ACSBG2: variants seen among roughly 807,000 people sequenced by gnomAD.
ACSBG2 encodes the protein acyl-CoA synthetase bubblegum family member 2, also known as long-chain-fatty-acid--CoA ligase ACSBG2.
Under a neutral mutation model 74.7 loss-of-function variants are expected in ACSBG2, and 62 were observed. The ratio of observed to expected loss-of-function variants is 0.83; its 90% confidence interval spans 0.68 to 1.03. The LOEUF is 1.03. Among genes scored for constraint, ACSBG2 ranks in the 50% least tolerant of loss-of-function variants. ACSBG2 has a pLI of 0.00. For missense variants in ACSBG2, 730 were observed against 817.6 expected, an observed-to-expected ratio of 0.89 and a Z score of 1.31; for synonymous variants, 309 against 294.1, an observed-to-expected ratio of 1.05 and a Z score of -0.52.
At position 6,183,190 on chromosome 19, in the gene ACSBG2, A is replaced by G. The variant is rs752028035; in HGVS notation, c.1240A>G (p.Ile414Val). Residue 414 changes from isoleucine to valine, a missense_variant, in exon 10 of 15, where the codon ATA becomes GTA. By Grantham distance (29) the Ile-to-Val change is conservative. Coordinates refer to ENST00000588485, the MANE Select transcript of ACSBG2 (RefSeq NM_030924.5). ...TGCCGAGTTCTTTCTAAGCTTGGAC[A>G]TACCTATAGGCGAGTTGTATGGGTT... ...ETAEFFLSLD[I>V]PIGELYGLSE... is the part of the protein sequence containing the mutation. 3 of 1,614,080 alleles carry G rather than the reference A, an allele frequency of 1.9e-6. No homozygotes were observed. The highest frequency in any genetic ancestry group is 1.3e-5 in the African/African-American group (1 of 74,928).
At chr19:6,179,669 T>C (rs1486873859) in intron 8 of ACSBG2, among the ~76,000 whole-genome samples, 2 of 152,096 alleles carry the variant, frequency 1.3e-5, no homozygotes, top group African/African-American at 4.8e-5. Flanking sequence ...TGGAGTGCAG[T>C]GGCAGTGGCA....
intron 14 of ACSBG2, chr19:6,191,988 G>A (rs935720802): frequency 1.3e-5 from 2 of 148,738 alleles, no homozygotes; most frequent in Admixed American, 1.3e-4. Context: ...GTCCAATATG[G>A]CAGCCACTGG....
At chr19:6,173,443 G>T (rs2090013974) in intron 7 of ACSBG2, among the ~76,000 whole-genome samples, 1 of 152,142 alleles carries the variant, frequency 6.6e-6, no homozygotes, top group Non-Finnish European at 1.5e-5. Flanking sequence ...AGCACCGATG[G>T]TGTTGGCCTG....
At chr19:6,170,614 ATGATTTTGATTT>A (rs1381658044) in intron 7 of ACSBG2, among the ~76,000 whole-genome samples, 1 of 152,078 alleles carries the variant, frequency 6.6e-6, no homozygotes, top group Non-Finnish European at 1.5e-5. Flanking sequence ...GATGCTTGGT[ATGATTTTGATTT>A]TTTTAAATTT....
Position 6,161,487 on chromosome 19 carries a change from G to A in ACSBG2, c.588+192G>A, listed in dbSNP as rs573638546. On this transcript the variant is annotated intron_variant, in intron 6 of 14. Coordinates refer to ENST00000588485, the MANE Select transcript of ACSBG2 (RefSeq NM_030924.5). The stretch of plus-strand genomic sequence containing the variant: ...AAGGAAGTGGGTGGGGCCTTGTGAG[G>A]AAAGTGGGTGTGACCTTTCAAAGGA... The A allele has an allele frequency of 1.2e-4, 63 of 534,402 alleles. 1 individual carries two copies. Among genetic ancestry groups the A allele is most frequent in the Admixed American group, 4.7e-4 (15 of 31,966 alleles). 33.1% of individuals were successfully genotyped at this position (534,402 alleles called of 1,614,324 possible). A position where few individuals can be genotyped will look rare whatever the true frequency, so the allele number is the denominator to read the frequency against.
chr19:6,177,875 AGTGT>A (rs3036311), intron 8 of ACSBG2, among the ~76,000 whole-genome samples: 8,150 of 143,402 alleles, frequency 0.057, 323 homozygotes, highest in East Asian at 0.18. Context: ...GAAAGTAAAG[AGTGT>A]GTGTGTGTGT....
chr19:6,181,567 GTTTGA>G (rs2090255953), intron 8 of ACSBG2, among the ~76,000 whole-genome samples: 1 of 152,072 alleles, frequency 6.6e-6, no homozygotes, highest in Non-Finnish European at 1.5e-5. Context: ...GTTGGATGAA[GTTTGA>G]TTTATCTATT....
chr19:6,188,153 C>T (rs2090460820), intron 13 of ACSBG2, among the ~76,000 whole-genome samples: 1 of 152,198 alleles, frequency 6.6e-6, no homozygotes, highest in Non-Finnish European at 1.5e-5. Context: ...GGCCTTTGCA[C>T]CTGCCAGTCT....
At position 6,192,071 on chromosome 19, in the gene ACSBG2, C is replaced by CAAAAAAAAAAAAAAAA. The variant is rs397859531; in HGVS notation, c.*36-587_*36-572dup. The CAAAAAAAAAAAAAAAA allele has an allele frequency of 2.0e-3, 116 of 57,438 alleles. 3 individuals carry two copies. Among genetic ancestry groups the CAAAAAAAAAAAAAAAA allele is most frequent in the African/African-American group, 4.7e-3 (55 of 11,684 alleles). The allele number at this position is 57,438 out of a possible 1,614,324, so 3.6% of individuals were successfully genotyped here. A position where few individuals can be genotyped will look rare whatever the true frequency, so the allele number is the denominator to read the frequency against. On this transcript the variant is annotated intron_variant, in intron 14 of 14. Transcript: ENST00000588485. ...ACACTGGGCTTCAAAAGCACAGCAC[C>CAAAAAAAAAAAAAAAA]AAAAAAAAAAAAAAAAAAAAAAAAA...
At chr19:6,136,217 G>A (rs1009482531) in intron 1 of ACSBG2, among the ~76,000 whole-genome samples, 26 of 150,712 alleles carry the variant, frequency 1.7e-4, no homozygotes, top group African/African-American at 6.4e-4. Flanking sequence ...TCAGCCTCCT[G>A]AGTAGCTGGG....
At chr19:6,163,833 G>A (rs969379607) in intron 6 of ACSBG2, among the ~76,000 whole-genome samples, 8 of 142,642 alleles carry the variant, frequency 5.6e-5, no homozygotes, top group African/African-American at 2.1e-4. Context: ...GCCTGTCCAA[G>A]CTACTCGGGA....
rs568241551 is a variant in ACSBG2, at chr19:6,153,722, C to A, written c.386+1927C>A. Among the ~76,000 whole-genome samples the A allele has an allele frequency of 1.4e-4, 21 of 152,106 alleles. No homozygotes were observed. In the South Asian group the frequency reaches 4.2e-3, roughly 30 times the overall value. ...AATTAGCCAGGCATGGTGGTGTGTG[C>A]CTGTAGTCCCAACTACTTGGGAGGC... On this transcript the variant is annotated intron_variant, in intron 4 of 14. Transcript: ENST00000588485.
intron 8 of ACSBG2, among the ~76,000 whole-genome samples, chr19:6,178,609 T>C (rs566871831): frequency 5.6e-4 from 85 of 152,294 alleles, no homozygotes; most frequent in Non-Finnish European, 1.1e-3. Context: ...CTCAAACTCC[T>C]GACCTCAGGT....
chr19:6,173,200 C>T (rs977927393), intron 7 of ACSBG2, among the ~76,000 whole-genome samples: 2 of 152,166 alleles, frequency 1.3e-5, no homozygotes, highest in Admixed American at 6.5e-5. Context: ...TGCGGCCCCC[C>T]AGAGGCTCAC....
At chr19:6,153,360 A>G (rs762381948) in intron 4 of ACSBG2, among the ~76,000 whole-genome samples, 30 of 152,200 alleles carry the variant, frequency 2.0e-4, no homozygotes, top group Non-Finnish European at 3.7e-4. Flanking sequence ...CCTTTGAGGT[A>G]GGTGCCATCA....
chr19:6,190,617 C>T lies in ACSBG2; in HGVS notation c.1961C>T (p.Ala654Val), dbSNP rs1028698060. 3.1e-6 allele frequency: 5 copies of T among 1,613,976 alleles called. No individual in the cohort carries two copies. Among genetic ancestry groups the T allele is most frequent in the Non-Finnish European group, 4.2e-6 (5 of 1,179,940 alleles). ...PMMKLKRHFV[A>V]QKYKKQIDHM... The stretch of plus-strand genomic sequence containing the variant: ...ATGAAACTTAAGAGACATTTTGTAG[C>T]CCAGAAATACAAAAAACAAATTGAT... The change falls in exon 14 of 15, where the codon GCC (alanine) becomes GTC (valine). Residue 654 changes from alanine to valine, a missense_variant. Ala to Val is a moderately conservative substitution (Grantham distance 64). Coordinates refer to ENST00000588485, the MANE Select transcript of ACSBG2 (RefSeq NM_030924.5).
chr19:6,186,124 T>A (rs1454176227), intron 11 of ACSBG2, among the ~76,000 whole-genome samples: 1 of 128,420 alleles, frequency 7.8e-6, no homozygotes, highest in East Asian at 2.1e-4. Flanking sequence ...AAAAGTGCCA[T>A]CTTCTCCTGC....
chr19:6,187,206 T>C (rs985556349), intron 11 of ACSBG2, 77 bp from the exon 12 acceptor site: 12 of 1,588,818 alleles, frequency 7.6e-6, no homozygotes, highest in Non-Finnish European at 6.0e-6. Context: ...GGTTTCACCA[T>C]GTTGGCCAGG....
rs775225000 is a variant in ACSBG2, at chr19:6,165,949, C to T, written c.672C>T (p.Cys224=). 61 of 1,613,836 alleles carry T rather than the reference C, an allele frequency of 3.8e-5. No homozygotes were observed. The highest frequency in any genetic ancestry group is 3.0e-4 in the Admixed American group (18 of 59,970). ...QVIESQKANQ[C]AVLIYTSGTT... ...TCGAGAGCCAGAAGGCGAATCAATGCGCAGTGCTCATCTACACTTCAGGGA... is the reference window on the plus strand; with the variant it reads ...TCGAGAGCCAGAAGGCGAATCAATGTGCAGTGCTCATCTACACTTCAGGGA... Residue 224 remains cysteine (C), a synonymous_variant, in exon 7 of 15, where the codon TGC becomes TGT. Coordinates refer to ENST00000588485, the MANE Select transcript of ACSBG2 (RefSeq NM_030924.5).
Sources: allele counts gnomAD v4.1 joint callset (sites outside exome capture counted in the v4.1 genomes callset), GRCh38; gene constraint gnomAD v4.1.1; transcripts MANE v1.5; gene names NCBI Gene and HGNC (gene_info 2026-07-23, HGNC 2026-07-21).